Variants in SPA17 observed in about 807,000 individuals in gnomAD.
SPA17 encodes sperm surface protein Sp17.
SPA17 carries 7 observed loss-of-function variants against 13.8 expected under a neutral mutation model. The observed-to-expected ratio is 0.51, with a 90% CI of 0.29 to 0.95. The LOEUF (loss-of-function observed/expected upper bound fraction) is 0.95. Among genes scored for constraint, SPA17 ranks in the 40% least tolerant of loss-of-function variants. The pLI is 0.08. For missense variants in SPA17, 170 were observed against 179.3 expected, an observed-to-expected ratio of 0.95 and a Z score of 0.30; for synonymous variants, 61 against 59.0, an observed-to-expected ratio of 1.03 and a Z score of -0.16.
At chr11:124,674,593 T>C (rs1267175538) in intron 1 of SPA17, 1 of 152,210 alleles carries the variant, frequency 6.6e-6, no homozygotes, top group African/African-American at 2.4e-5. Context: ...AGAGACAACC[T>C]GATCAAGAAG....
At chr11:124,690,686 T>G (rs551782398) in intron 3 of SPA17, among the ~76,000 whole-genome samples, 13 of 152,318 alleles carry the variant, frequency 8.5e-5, no homozygotes, top group East Asian at 3.9e-4. Context: ...AGTTACATTT[T>G]TAAGAGATCA....
intron 4 of SPA17, among the ~76,000 whole-genome samples, chr11:124,693,610 A>G (rs1943644270): frequency 6.6e-6 from 1 of 152,152 alleles, no homozygotes; most frequent in Admixed American, 6.6e-5. Context: ...GGAGAAAACT[A>G]TCACTGCCAG....
At chr11:124,679,929 T>C (rs998758552) in intron 2 of SPA17, among the ~76,000 whole-genome samples, 1 of 152,170 alleles carries the variant, frequency 6.6e-6, no homozygotes, top group Non-Finnish European at 1.5e-5. Flanking sequence ...ATTCGTGAAT[T>C]TGTGATGGTT....
chr11:124,687,420 G>T (rs1943587444), intron 3 of SPA17, among the ~76,000 whole-genome samples: 1 of 152,022 alleles, frequency 6.6e-6, no homozygotes, highest in South Asian at 2.1e-4. Context: ...CCAAAAAATT[G>T]AGAAGAATGG....
chr11:124,686,476 C>A (rs1591406374), intron 3 of SPA17, among the ~76,000 whole-genome samples: 1 of 152,218 alleles, frequency 6.6e-6, no homozygotes, highest in African/African-American at 2.4e-5. Flanking sequence ...TACCCAACAA[C>A]TGCAGAATAT....
chr11:124,686,141 A>G (rs1943575615), intron 3 of SPA17, among the ~76,000 whole-genome samples: 1 of 130,820 alleles, frequency 7.6e-6, no homozygotes, highest in Non-Finnish European at 1.5e-5. Flanking sequence ...AGTTCTCTTA[A>G]TTCCCACATA....
intron 1 of SPA17, chr11:124,674,583 A>G (rs1377821106): frequency 6.6e-6 from 1 of 152,260 alleles, no homozygotes; most frequent in African/African-American, 2.4e-5. Flanking sequence ...CAAGACAGAA[A>G]GAGACAACCT....
intron 3 of SPA17, among the ~76,000 whole-genome samples, chr11:124,682,741 T>A (rs562747948): frequency 1.2e-4 from 19 of 152,086 alleles, no homozygotes; most frequent in Admixed American, 9.8e-4. Context: ...TGGGACAACA[T>A]AAAGCAGCTG....
intron 2 of SPA17, chr11:124,676,191 T>C (rs1404429676): frequency 6.6e-6 from 1 of 152,316 alleles, no homozygotes; most frequent in Admixed American, 6.5e-5. Context: ...GCACCTTTAG[T>C]ACCAGCTACT....
At chr11:124,688,255 A>G (rs554500279) in intron 3 of SPA17, among the ~76,000 whole-genome samples, 13 of 152,300 alleles carry the variant, frequency 8.5e-5, no homozygotes, top group East Asian at 3.9e-4. Context: ...TCAAGTGATC[A>G]TCCTGCCTTG....
intron 4 of SPA17, 24 bp from the exon 5 acceptor site, chr11:124,694,278 CT>C: frequency 6.2e-7 from 1 of 1,601,342 alleles, no homozygotes; most frequent in Non-Finnish European, 8.5e-7. Flanking sequence ...TAAAGAGTCT[CT>C]TACTTTTTCT....
rs1943625437 is a variant in SPA17 at position 124,691,774 on chromosome 11, A to G, written c.304A>G (p.Thr102Ala). The G allele has an allele frequency of 2.5e-6, 4 of 1,604,444 alleles. No homozygotes were observed. In the Middle Eastern group the frequency reaches 5.0e-4, roughly 199 times the overall value. Residue 102 changes from threonine to alanine, a missense_variant, in exon 4 of 5, where the codon ACC becomes GCC. Thr to Ala is a moderately conservative substitution (Grantham distance 58). Coordinates refer to ENST00000227135, the MANE Select transcript of SPA17 (RefSeq NM_017425.4). ...ISGKEEETSVTILDSSEEDKE... is the reference protein window; with the variant it reads ...ISGKEEETSVAILDSSEEDKE... ...TGGGAAGGAGGAAGAGACATCAGTC[A>G]CCATCTTAGTATGTAATATTTTTCA... is the stretch of plus-strand genomic sequence containing the variant.
intron 2 of SPA17, among the ~76,000 whole-genome samples, chr11:124,678,874 TA>T (rs1486058278): frequency 6.6e-6 from 1 of 152,174 alleles, no homozygotes; most frequent in Non-Finnish European, 1.5e-5. Context: ...ACTTTGTTTA[TA>T]TTTTTAAATG....
Position 124,681,432 on chromosome 11 carries a change from C to G in SPA17, c.198C>G (p.Asp66Glu). 2 of 1,583,878 alleles carry G rather than the reference C, an allele frequency of 1.3e-6. No homozygotes were observed. The highest frequency in any genetic ancestry group is 1.7e-6 in the Non-Finnish European group (2 of 1,162,632). Residue 66 changes from aspartate to glutamate, a missense_variant, in exon 3 of 5, where the codon GAC becomes GAG. Transcript: ENST00000227135. ...DPAEWGSKVE[D>E]RFYNNHAFEE... ...CAGAATGGGGGAGTAAGGTAGAAGACCGCTTCTATAACAATCATGCATTCG... is the reference window on the plus strand; with the variant it reads ...CAGAATGGGGGAGTAAGGTAGAAGAGCGCTTCTATAACAATCATGCATTCG...
Position 124,681,430 on chromosome 11 carries a change from G to T in SPA17, c.196G>T (p.Asp66Tyr). 6.3e-7 allele frequency: 1 copy of T among 1,584,076 alleles called. No homozygotes were observed. Among genetic ancestry groups the T allele is most frequent in the Non-Finnish European group, 8.6e-7 (1 of 1,162,688 alleles). The stretch of plus-strand genomic sequence containing the variant: ...AGCAGAATGGGGGAGTAAGGTAGAA[G>T]ACCGCTTCTATAACAATCATGCATT... ...DPAEWGSKVEDRFYNNHAFEE... is the reference protein window; with the variant it reads ...DPAEWGSKVEYRFYNNHAFEE... Residue 66 changes from aspartate to tyrosine, a missense_variant, in exon 3 of 5, where the codon GAC (aspartate) becomes TAC (tyrosine). Asp to Tyr is a radical substitution (Grantham distance 160). Coordinates refer to ENST00000227135, the MANE Select transcript of SPA17 (RefSeq NM_017425.4).
chr11:124,692,339 G>A (rs1943629931), intron 4 of SPA17, among the ~76,000 whole-genome samples: 1 of 152,136 alleles, frequency 6.6e-6, no homozygotes, highest in Non-Finnish European at 1.5e-5. Context: ...CCAGCACTTT[G>A]GGAGGCCAAG....
chr11:124,674,359 G>GAAA (rs1419669515), intron 1 of SPA17: 2 of 150,400 alleles, frequency 1.3e-5, no homozygotes, highest in Non-Finnish European at 3.0e-5. Flanking sequence ...CCCTCTCAAA[G>GAAA]AAAAAAAAAG....
At chr11:124,685,906 C>G (rs977357936) in intron 3 of SPA17, among the ~76,000 whole-genome samples, 2 of 152,130 alleles carry the variant, frequency 1.3e-5, no homozygotes, top group African/African-American at 2.4e-5. Flanking sequence ...AAGTGACTAA[C>G]TTGCTTTTGA....
intron 3 of SPA17, 66 bp downstream of exon 3, chr11:124,681,525 G>A: frequency 1.6e-6 from 2 of 1,230,614 alleles, no homozygotes; most frequent in African/African-American, 1.5e-5. Context: ...GCAATTATTA[G>A]GCTATCCCCA....
Sources: allele counts gnomAD v4.1 joint callset (sites outside exome capture counted in the v4.1 genomes callset), GRCh38; gene constraint gnomAD v4.1.1; transcripts MANE v1.5; gene names NCBI Gene and HGNC (gene_info 2026-07-23, HGNC 2026-07-21).